LRP1B: variants seen among roughly 807,000 people sequenced by gnomAD.
LRP1B encodes low-density lipoprotein receptor-related protein 1B.
Under a neutral mutation model 556.6 loss-of-function variants are expected in LRP1B, and 217 were observed. The ratio of observed to expected loss-of-function variants is 0.39; its 90% CI spans 0.35 to 0.44. The LOEUF (loss-of-function observed/expected upper bound fraction) is 0.44. Among genes scored for constraint, LRP1B ranks in the 20% least tolerant of loss-of-function variants. The pLI is 1.00. For synonymous variants in LRP1B, 2,047 were observed against 1,865.8 expected (o/e 1.10, Z -2.50); for missense variants, 5,053 against 5,620.8 (o/e 0.90, Z 3.23).
intron 20 of LRP1B, among the ~76,000 whole-genome samples, chr2:140,929,960 CT>C (rs1695002151): frequency 6.6e-6 from 1 of 152,008 alleles, no homozygotes; most frequent in Non-Finnish European, 1.5e-5. Flanking sequence ...ATCTCTTGAC[CT>C]TCTCGCCAAA....
intron 43 of LRP1B, among the ~76,000 whole-genome samples, chr2:140,565,658 C>T (rs1681098014): frequency 6.6e-6 from 1 of 152,028 alleles, no homozygotes; most frequent in South Asian, 2.1e-4. Flanking sequence ...ACAGCCAAAA[C>T]AACAAATAAA....
At chr2:141,457,307 G>A (rs1681671638) in intron 3 of LRP1B, among the ~76,000 whole-genome samples, 1 of 151,894 alleles carries the variant, frequency 6.6e-6, no homozygotes, top group Non-Finnish European at 1.5e-5. Context: ...AATAGATTAG[G>A]GTAAAATATG....
intron 41 of LRP1B, among the ~76,000 whole-genome samples, chr2:140,673,774 T>A (rs1214402779): frequency 6.6e-6 from 1 of 151,502 alleles, no homozygotes; most frequent in Non-Finnish European, 1.5e-5. Context: ...AAAGTGAGGG[T>A]CCATACATAC....
chr2:140,700,052 T>G (rs1686575750), intron 41 of LRP1B, among the ~76,000 whole-genome samples, 198 bp downstream of exon 41: 2 of 145,406 alleles, frequency 1.4e-5, no homozygotes, highest in Non-Finnish European at 3.0e-5. Flanking sequence ...CATAATTTGC[T>G]GTACATGCTA....
intron 36 of LRP1B, 104 bp from the exon 37 acceptor site, chr2:140,716,206 C>T (rs2105462472): frequency 1.3e-6 from 1 of 793,294 alleles, no homozygotes; most frequent in Non-Finnish European, 2.0e-6. Context: ...TATCAAGAAA[C>T]TGTTTACTTC....
chr2:141,485,043 A>C (rs1169688636), intron 2 of LRP1B, among the ~76,000 whole-genome samples: 1 of 152,142 alleles, frequency 6.6e-6, no homozygotes, highest in East Asian at 1.9e-4. Context: ...CTACTTATAA[A>C]TTTTGAGAAA....
chr2:140,867,868 A>G (rs2105154645), intron 26 of LRP1B, 34 bp from the exon 27 acceptor site: 1 of 1,497,034 alleles, frequency 6.7e-7, no homozygotes, highest in Non-Finnish European at 8.9e-7. Flanking sequence ...TAGTTTGTCA[A>G]AACTCATTCA....
chr2:140,838,711 C>A (rs891222110), intron 31 of LRP1B, among the ~76,000 whole-genome samples: 3 of 152,070 alleles, frequency 2.0e-5, no homozygotes, highest in African/African-American at 7.2e-5. Flanking sequence ...TATATCCCAT[C>A]ATTTGCATCT....
chr2:140,338,806 C>T (rs1681228441), intron 77 of LRP1B, among the ~76,000 whole-genome samples: 1 of 151,540 alleles, frequency 6.6e-6, no homozygotes, highest in South Asian at 2.1e-4. Flanking sequence ...AGCTACTTGC[C>T]TTAAAAAATC....
chr2:141,630,586 C>A (rs1688870506), intron 2 of LRP1B, among the ~76,000 whole-genome samples: 1 of 152,194 alleles, frequency 6.6e-6, no homozygotes, highest in Non-Finnish European at 1.5e-5. Context: ...GTGAGTCATG[C>A]TGTAACAGAA....
At chr2:140,705,521 CAAAAAAAAAAAAAAAAAAAAAAAA>C (rs565447198) in intron 37 of LRP1B, among the ~76,000 whole-genome samples, 2 of 68,212 alleles carry the variant, frequency 2.9e-5, no homozygotes, top group East Asian at 1.2e-3. Context: ...GAGACTGTCT[CAAAAAAAAAAAAAAAAAAAAAAAA>C]AAAAAAAAAA....
chr2:141,465,713 C>T (rs1682164023), intron 3 of LRP1B, among the ~76,000 whole-genome samples: 1 of 151,868 alleles, frequency 6.6e-6, no homozygotes, highest in African/African-American at 2.4e-5. Context: ...CCACTCCTGG[C>T]TAAATTTTGT....
rs1339496296 is a variant in LRP1B, at chr2:140,623,956, G to GTGTGTATATATATATATATATA, written c.6800-22318_6800-22317insTATATATATATATATATACACA. ...AAAATATATATTATATTTTATTTATGTATATATATATATATATAGCTTAGT... is the reference window on the plus strand; with the variant it reads ...AAAATATATATTATATTTTATTTATGTGTGTATATATATATATATATATATATATATATATATATAGCTTAGT... On this transcript the variant is annotated intron_variant, in intron 41 of 90. Coordinates refer to ENST00000389484, the MANE Select transcript of LRP1B (RefSeq NM_018557.3). Among the ~76,000 whole-genome samples, 260 of 106,416 alleles carry GTGTGTATATATATATATATATA rather than the reference G, an allele frequency of 2.4e-3. 2 individuals carry two copies. Among genetic ancestry groups the GTGTGTATATATATATATATATA allele is most frequent in the Middle Eastern group, 0.016 (3 of 188 alleles). The allele number at this position is 106,416 out of a possible 152,430, so 69.8% of individuals were successfully genotyped here.
intron 3 of LRP1B, among the ~76,000 whole-genome samples, chr2:141,418,460 C>T (rs948222047): frequency 2.1e-5 from 3 of 140,586 alleles, no homozygotes; most frequent in Non-Finnish European, 3.0e-5. Context: ...ATGTGGATAC[C>T]CAGTTACTCA....
At chr2:141,275,252 T>C (rs574369880) in intron 3 of LRP1B, among the ~76,000 whole-genome samples, 19 of 152,308 alleles carry the variant, frequency 1.2e-4, no homozygotes, top group African/African-American at 4.1e-4. Flanking sequence ...CTAGATAATA[T>C]ACAAGGAGGT....
At position 141,818,438 on chromosome 2, in the gene LRP1B, T is replaced by C. The variant is rs146351996; in HGVS notation, c.83-8037A>G. Among the ~76,000 whole-genome samples the C allele has an allele frequency of 2.8e-3, 432 of 152,012 alleles. 4 individuals carry two copies. Among genetic ancestry groups the C allele is most frequent in the African/African-American group, 9.9e-3 (409 of 41,522 alleles). ...CATGGTTAGAGGTCTTCTTTCTAAATACTTTCTTCTACTGTCATTTTACCA... is the reference window on the plus strand; with the variant it reads ...CATGGTTAGAGGTCTTCTTTCTAAACACTTTCTTCTACTGTCATTTTACCA... On this transcript the variant is annotated intron_variant, in intron 1 of 90. Transcript: ENST00000389484.
intron 79 of LRP1B, among the ~76,000 whole-genome samples, chr2:140,326,947 CAG>C (rs1280690725): frequency 1.3e-5 from 2 of 151,994 alleles, no homozygotes; most frequent in African/African-American, 4.8e-5. Context: ...ATCATCAACA[CAG>C]AGAATATCTA....
intron 1 of LRP1B, among the ~76,000 whole-genome samples, chr2:141,954,058 C>T (rs747640954): frequency 1.8e-4 from 27 of 152,080 alleles, no homozygotes; most frequent in Admixed American, 1.2e-3. Context: ...CTCTCTCTCT[C>T]GGCACAAGCA....
chr2:141,893,507 C>G (rs1173895963), intron 1 of LRP1B, among the ~76,000 whole-genome samples: 5 of 151,946 alleles, frequency 3.3e-5, no homozygotes. Context: ...TTTTTACATA[C>G]TTCCTTATTA....
Sources: allele counts gnomAD v4.1 joint callset (sites outside exome capture counted in the v4.1 genomes callset), GRCh38; gene constraint gnomAD v4.1.1; transcripts MANE v1.5; gene names NCBI Gene and HGNC (gene_info 2026-07-23, HGNC 2026-07-21).